SNHG17: variants seen among roughly 807,000 people sequenced by gnomAD.
SNHG17 encodes small nucleolar RNA host gene 17 (non-protein coding).
intron 3 of SNHG17, chr20:38,429,703 A>G (rs746247467): frequency 1.6e-5 from 8 of 510,508 alleles, no homozygotes; most frequent in Admixed American, 1.2e-4. Context: ...AAGAGACAGG[A>G]GTGGACCCTC....
chr20:38,421,176 G>A (rs907547229), intron 6 of SNHG17: 3 of 152,198 alleles, frequency 2.0e-5, no homozygotes, highest in African/African-American at 7.2e-5. Context: ...CACTGAGAGG[G>A]GTCCCATTCA....
At chr20:38,424,480 G>A (rs1297914354) in intron 5 of SNHG17, among the ~76,000 whole-genome samples, 1 of 152,196 alleles carries the variant, frequency 6.6e-6, no homozygotes, top group Non-Finnish European at 1.5e-5. Flanking sequence ...TGTAACAGCT[G>A]GCTTGTTCTA....
intron 3 of SNHG17, chr20:38,429,151 C>A (rs2084296530): frequency 6.5e-6 from 1 of 153,146 alleles, no homozygotes; most frequent in Non-Finnish European, 1.5e-5. Context: ...TCACTGCAGC[C>A]TTGTCCTCCC....
chr20:38,426,848 G>T (rs1316196965), intron 3 of SNHG17, among the ~76,000 whole-genome samples: 1 of 150,728 alleles, frequency 6.6e-6, no homozygotes, highest in African/African-American at 2.4e-5. Flanking sequence ...TGAGGGAAGT[G>T]TTTTGCCTCT....
intron 6 of SNHG17, chr20:38,421,480 T>C (rs937266883): frequency 1.3e-5 from 2 of 152,220 alleles, no homozygotes; most frequent in African/African-American, 4.8e-5. Context: ...TCTGAATTCA[T>C]TCCAGCGTGG....
intron 5 of SNHG17, chr20:38,425,400 G>C (rs1370777143): frequency 4.2e-6 from 2 of 478,288 alleles, no homozygotes; most frequent in East Asian, 1.1e-4. Flanking sequence ...CCCAAACTAA[G>C]AGACCTGGAA....
In SNHG17 at chr20:38,426,995, T is replaced by TACACACACACACACACACAC. The variant is rs765781057; in HGVS notation, n.381-512_381-493dup. On this transcript the variant is annotated intron_variant and non_coding_transcript_variant, in intron 3 of 8. Coordinates refer to ENST00000654008, the Ensembl canonical transcript of SNHG17. The stretch of plus-strand genomic sequence containing the variant: ...CCCTATCCTGTCCCCAAGTTACACA[T>TACACACACACACACACACAC]ACACACACACACACACACACACACA... Among the ~76,000 whole-genome samples the TACACACACACACACACACAC allele has an allele frequency of 1.8e-3, 229 of 125,628 alleles. 6 individuals are homozygous for TACACACACACACACACACAC. The highest frequency in any genetic ancestry group is 5.9e-3 in the African/African-American group (207 of 35,154). The allele number at this position is 125,628 out of a possible 152,430, so 82.4% of individuals were successfully genotyped here.
chr20:38,430,594 C>A (rs1317179961), intron 3 of SNHG17, among the ~76,000 whole-genome samples: 2 of 152,170 alleles, frequency 1.3e-5, no homozygotes, highest in Non-Finnish European at 2.9e-5. Flanking sequence ...TGCACTCTAG[C>A]CTGGGCGACA....
At chr20:38,432,285 T>C (rs1408552332) in intron 2 of SNHG17, 1 of 446,740 alleles carries the variant, frequency 2.2e-6, no homozygotes, top group East Asian at 1.6e-4. Flanking sequence ...AAGTCTCATC[T>C]TATGCACATA....
intron 3 of SNHG17, chr20:38,427,453 A>T (rs748148274): frequency 3.9e-6 from 2 of 513,852 alleles, no homozygotes; most frequent in South Asian, 2.8e-5. Flanking sequence ...GCAGAAACAG[A>T]CAGGAGAGCC....
intron 5 of SNHG17, among the ~76,000 whole-genome samples, chr20:38,424,335 A>G (rs927772424): frequency 6.6e-6 from 1 of 152,076 alleles, no homozygotes; most frequent in Non-Finnish European, 1.5e-5. Flanking sequence ...CTGCATTCAT[A>G]CATCTGACTA....
At chr20:38,434,965 CA>C in intron 1 of SNHG17, 1 of 1,228,864 alleles carries the variant, frequency 8.1e-7, no homozygotes, top group Admixed American at 4.2e-5. Context: ...GCTGCGCGGA[CA>C]GGGGGTCTGA....
At chr20:38,422,153 C>T (rs1315798736) in exon 6 of SNHG17, 2 of 152,366 alleles carry the variant, frequency 1.3e-5, no homozygotes, top group Admixed American at 6.5e-5. Context: ...GAGGGACAGC[C>T]CCACAGCAGG....
exon 1 of SNHG17, chr20:38,435,271 G>C: frequency 8.1e-7 from 1 of 1,231,854 alleles, no homozygotes; most frequent in Non-Finnish European, 1.0e-6. Context: ...TGCAGATTTC[G>C]AGAGATGGGG....
At chr20:38,431,106 G>T (rs788346) in exon 3 of SNHG17, 35,154 of 152,176 alleles carry the variant, frequency 0.23, 5,098 homozygotes, top group African/African-American at 0.42. Context: ...GCAGTCATGT[G>T]ACACTCCTGC....
chr20:38,433,771 G>A (rs906165269), intron 2 of SNHG17: 8 of 515,966 alleles, frequency 1.6e-5, no homozygotes, highest in Non-Finnish European at 2.7e-5. Context: ...CCTGGTGAAC[G>A]CCTCATGGAA....
intron 1 of SNHG17, chr20:38,435,128 C>T: frequency 8.1e-7 from 1 of 1,232,340 alleles, no homozygotes; most frequent in Non-Finnish European, 1.0e-6. Context: ...CTCTGGCCGC[C>T]TTCCCCGGGG....
In SNHG17 at chr20:38,425,217, T is replaced by C. The variant is rs1167866249; in HGVS notation, n.579+718A>G. 3 of 519,022 alleles carry C rather than the reference T, an allele frequency of 5.8e-6. No homozygotes were observed. In the Admixed American group the frequency reaches 5.8e-5, roughly 10 times the overall value. The allele number at this position is 519,022 out of a possible 1,614,324, so 32.2% of individuals were successfully genotyped here. A position where few individuals can be genotyped will look rare whatever the true frequency, so the allele number is the denominator to read the frequency against. On this transcript the variant is annotated intron_variant and non_coding_transcript_variant, in intron 5 of 8. Coordinates refer to ENST00000654008, the Ensembl canonical transcript of SNHG17. ...AAGGCATGTACGAAAGCTCCAGAGT[T>C]TGGAAGGGATAGGAGTGGACCCTTC...
chr20:38,422,447 T>C (rs1249035913), intron 5 of SNHG17, among the ~76,000 whole-genome samples: 1 of 152,200 alleles, frequency 6.6e-6, no homozygotes, highest in Non-Finnish European at 1.5e-5. Context: ...TCTCTATTAG[T>C]ACTTACAGCC....
Sources: gnomAD v4.1 joint callset for allele counts (sites outside exome capture counted in the v4.1 genomes callset) on GRCh38, gnomAD v4.1.1 for gene constraint, MANE v1.5 for transcripts, NCBI Gene and HGNC (gene_info 2026-07-23, HGNC 2026-07-21) for gene names.